Variants in EGFLAM observed in about 807,000 individuals in gnomAD.
The protein encoded by EGFLAM is EGF like, fibronectin type III and laminin G domains.
A neutral mutation model predicts 113.1 loss-of-function variants in EGFLAM; 79 were observed. The ratio of observed to expected loss-of-function variants is 0.70; its 90% confidence interval spans 0.58 to 0.84. The LOEUF (loss-of-function observed/expected upper bound fraction) is 0.84. EGFLAM is among the 40% of genes least tolerant of loss of function. The pLI is 0.00. For synonymous variants in EGFLAM, 504 were observed against 487.6 expected (o/e 1.03, Z -0.44); for missense variants, 1,265 against 1,291.6 (o/e 0.98, Z 0.32).
At chr5:38,462,012 C>CA (rs1460003680) in intron 20 of EGFLAM, among the ~76,000 whole-genome samples, 11 of 151,870 alleles carry the variant, frequency 7.2e-5, no homozygotes, top group African/African-American at 2.7e-4. Flanking sequence ...AAAAAAAATA[C>CA]AAAAAATTAG....
intron 8 of EGFLAM, among the ~76,000 whole-genome samples, chr5:38,407,509 A>T (rs1741328607): frequency 6.6e-6 from 1 of 152,226 alleles, no homozygotes; most frequent in Non-Finnish European, 1.5e-5. Flanking sequence ...AACTTATATT[A>T]CACAAAGGCC....
At chr5:38,381,484 C>A (rs1159454497) in intron 6 of EGFLAM, among the ~76,000 whole-genome samples, 1 of 152,134 alleles carries the variant, frequency 6.6e-6, no homozygotes, top group African/African-American at 2.4e-5. Flanking sequence ...GAAAAGATGA[C>A]TTTTCTAGGG....
intron 5 of EGFLAM, among the ~76,000 whole-genome samples, chr5:38,367,859 A>C (rs1205845189): frequency 2.0e-5 from 3 of 152,210 alleles, no homozygotes; most frequent in Non-Finnish European, 4.4e-5. Context: ...CAAAATGTTA[A>C]AGGTTTTGAA....
chr5:38,310,120 T>C (rs553083268), intron 1 of EGFLAM, among the ~76,000 whole-genome samples: 2 of 152,360 alleles, frequency 1.3e-5, no homozygotes, highest in East Asian at 3.9e-4. Context: ...TTAAAGTGGC[T>C]AAACAGATTG....
At chr5:38,429,955 A>T in intron 14 of EGFLAM, 1 of 210,298 alleles carries the variant, frequency 4.8e-6, no homozygotes, top group East Asian at 1.1e-4. Context: ...TTCAAACTTG[A>T]CCTTGGCCTC....
In EGFLAM at chr5:38,409,068, T is replaced by G; in HGVS notation, c.1313T>G (p.Met438Arg). ...AACGAACACGGGAGGGGGGATTTCA[T>G]GTCCCTGGCTATCATCCGACGCTCC... is the stretch of plus-strand genomic sequence containing the variant. Reference protein sequence around the residue: ...GENEHGRGDFMSLAIIRRSLQ... With the variant: ...GENEHGRGDFRSLAIIRRSLQ... The change falls in exon 10 of 22, where the codon ATG (methionine) becomes AGG (arginine). Residue 438 changes from methionine (M) to arginine (R), a missense_variant. By Grantham distance (91) the Met-to-Arg change is moderately conservative. Coordinates refer to ENST00000322350, the MANE Select transcript of EGFLAM (RefSeq NM_152403.4). The G allele has an allele frequency of 6.3e-7, 1 of 1,593,002 alleles. No homozygotes were observed. Among genetic ancestry groups the G allele is most frequent in the Non-Finnish European group, 8.6e-7 (1 of 1,168,428 alleles).
chr5:38,395,068 G>A (rs1231051992), intron 6 of EGFLAM, among the ~76,000 whole-genome samples: 1 of 151,976 alleles, frequency 6.6e-6, no homozygotes, highest in Non-Finnish European at 1.5e-5. Context: ...AGCCTCCTGA[G>A]TAGCTGGGAT....
At chr5:38,361,184 C>T (rs906400608) in intron 5 of EGFLAM, among the ~76,000 whole-genome samples, 1 of 152,038 alleles carries the variant, frequency 6.6e-6, no homozygotes, top group Non-Finnish European at 1.5e-5. Flanking sequence ...AGTCTTTATG[C>T]TTGCTATCCT....
At position 38,438,346 on chromosome 5, in the gene EGFLAM, C is replaced by T. The variant is rs534869918; in HGVS notation, c.2355C>T (p.Ala785=). 20 of 1,614,120 alleles carry T rather than the reference C, an allele frequency of 1.2e-5. No homozygotes were observed. The South Asian group carries it at 1.9e-4, about 15-fold the overall frequency. The change falls in exon 17 of 22, where the codon GCC becomes GCT. Residue 785 remains alanine, a synonymous_variant. Transcript: ENST00000322350. ...CCGGAGTGAATGTGGAGAATGCGGC[C>T]CACCCCTGTGTGAGAGCCCCTTGTG... The part of the protein sequence containing the change: ...FTSGVNVENA[A]HPCVRAPCAH...
At chr5:38,360,675 T>C (rs1739896341) in intron 5 of EGFLAM, among the ~76,000 whole-genome samples, 1 of 152,022 alleles carries the variant, frequency 6.6e-6, no homozygotes, top group African/African-American at 2.4e-5. Context: ...ATTACATGAG[T>C]TGACACACAT....
chr5:38,298,826 G>A (rs1758508215), intron 1 of EGFLAM, among the ~76,000 whole-genome samples: 1 of 151,836 alleles, frequency 6.6e-6, no homozygotes, highest in Admixed American at 6.6e-5. Flanking sequence ...TCCACCTCCT[G>A]GGTTGCTGGG....
chr5:38,326,074 A>T (rs185430362), intron 1 of EGFLAM, among the ~76,000 whole-genome samples: 11 of 152,310 alleles, frequency 7.2e-5, no homozygotes, highest in Admixed American at 6.5e-4. Context: ...TGCTGGGAGC[A>T]CTGGGCTTCC....
chr5:38,393,611 G>A (rs753038305), intron 6 of EGFLAM, among the ~76,000 whole-genome samples: 1 of 152,272 alleles, frequency 6.6e-6, no homozygotes, highest in East Asian at 1.9e-4. Context: ...GACCCCCTTC[G>A]TGGGCTGGAA....
At chr5:38,394,186 T>C (rs921561939) in intron 6 of EGFLAM, among the ~76,000 whole-genome samples, 2 of 151,706 alleles carry the variant, frequency 1.3e-5, no homozygotes, top group African/African-American at 2.4e-5. Flanking sequence ...CTGAAGTTTA[T>C]GGGCACAGGA....
Position 38,427,348 on chromosome 5 carries a change from A to C in EGFLAM, c.2054+96A>C. ...AATCGCCATTCAACAGCTCACACTC[A>C]TCCTGTCTTCTCTACATGCTTATCT... On this transcript the variant is annotated intron_variant, in intron 14 of 21. Transcript: ENST00000322350. The C allele has an allele frequency of 2.6e-6, 4 of 1,536,980 alleles. No individual in the cohort carries two copies. In the South Asian group the frequency reaches 5.1e-5, roughly 20 times the overall value.
chr5:38,458,797 A>G (rs1308445685), intron 20 of EGFLAM, among the ~76,000 whole-genome samples: 1 of 152,054 alleles, frequency 6.6e-6, no homozygotes, highest in Admixed American at 6.5e-5. Flanking sequence ...CCTGAGTTAC[A>G]TGGCGAAACC....
chr5:38,321,013 G>A (rs972625443), intron 1 of EGFLAM, among the ~76,000 whole-genome samples: 10 of 152,078 alleles, frequency 6.6e-5, no homozygotes, highest in Admixed American at 6.6e-4. Flanking sequence ...AGGGTGGGAG[G>A]TGGGATGATT....
chr5:38,290,127 C>T (rs939649723), intron 1 of EGFLAM, among the ~76,000 whole-genome samples: 2 of 152,034 alleles, frequency 1.3e-5, no homozygotes, highest in Non-Finnish European at 2.9e-5. Context: ...GCCAGGAAGC[C>T]CAAGGAAGGG....
intron 1 of EGFLAM, among the ~76,000 whole-genome samples, chr5:38,310,108 T>C (rs78626253): frequency 0.013 from 2,014 of 152,340 alleles, 44 homozygotes; most frequent in African/African-American, 0.045. Context: ...AAGTCTTATC[T>C]TTTAAAGTGG....
Sources: gnomAD v4.1 joint callset for allele counts (sites outside exome capture counted in the v4.1 genomes callset) on GRCh38, gnomAD v4.1.1 for gene constraint, MANE v1.5 for transcripts, NCBI Gene and HGNC (gene_info 2026-07-23, HGNC 2026-07-21) for gene names.